SNAPC1: variants seen among roughly 807,000 people sequenced by gnomAD.
The protein encoded by SNAPC1 is snRNA-activating protein complex subunit 1.
SNAPC1 carries 42 observed loss-of-function variants against 50.1 expected under a neutral mutation model. The observed-to-expected ratio is 0.84, with a 90% CI of 0.65 to 1.08. SNAPC1 has a LOEUF of 1.08. Ranked by LOEUF, SNAPC1 falls within the 50% of genes least tolerant of loss-of-function variation. SNAPC1 has a pLI of 0.00. For synonymous variants in SNAPC1, 164 were observed against 144.2 expected, an observed-to-expected ratio of 1.14 and a Z score of -0.98; for missense variants, 477 against 427.3, an observed-to-expected ratio of 1.12 and a Z score of -1.02.
Position 61,762,605 on chromosome 14 carries a change from C to T in SNAPC1, c.128+17C>T, listed in dbSNP as rs536007568. 7.6e-6 allele frequency: 12 copies of T among 1,588,956 alleles called. No homozygotes were observed. Among genetic ancestry groups the T allele is most frequent in the Non-Finnish European group, 9.4e-6 (11 of 1,167,664 alleles). On this transcript the variant is annotated intron_variant, in intron 1 of 9. Coordinates refer to ENST00000216294, the MANE Select transcript of SNAPC1 (RefSeq NM_003082.4). ...TATCTTCTGGTGGGTGTTTCTTGTC[C>T]ACCACCCGCCTCTCCCTGCCCGCAG...
At chr14:61,771,785 T>C (rs2044993222) in intron 4 of SNAPC1, among the ~76,000 whole-genome samples, 1 of 152,164 alleles carries the variant, frequency 6.6e-6, no homozygotes, top group Non-Finnish European at 1.5e-5. Context: ...AGGCATACTT[T>C]TTCCTTTGAA....
rs769588943 is a variant in SNAPC1 at position 61,781,450 on chromosome 14, CAA to C, written c.826-779_826-778del. Among the ~76,000 whole-genome samples the C allele has an allele frequency of 9.3e-3, 593 of 63,582 alleles. 19 individuals carry two copies. In the East Asian group the frequency reaches 0.16, roughly 17 times the overall value. 41.7% of individuals were successfully genotyped at this position (63,582 alleles called of 152,430 possible). Reference sequence around the variant, plus strand: ...GGGTGACAAAGCAAGACTCCATCTCCAAAAAAAAAAAAAAAAAAAGGACAGAA... The same window carrying C: ...GGGTGACAAAGCAAGACTCCATCTCCAAAAAAAAAAAAAAAAAGGACAGAA... On this transcript the variant is annotated intron_variant, in intron 7 of 9. Coordinates refer to ENST00000216294, the MANE Select transcript of SNAPC1 (RefSeq NM_003082.4).
intron 8 of SNAPC1, among the ~76,000 whole-genome samples, chr14:61,789,380 AT>A (rs1488280082): frequency 2.0e-5 from 3 of 152,184 alleles, no homozygotes; most frequent in African/African-American, 7.2e-5. Context: ...TAATAAAAAA[AT>A]ATACATACAT....
In SNAPC1 at chr14:61,778,230, GA is replaced by G. The variant is rs565660235; in HGVS notation, c.762+91del. On this transcript the variant is annotated intron_variant, in intron 6 of 9. Coordinates refer to ENST00000216294, the MANE Select transcript of SNAPC1 (RefSeq NM_003082.4). The stretch of plus-strand genomic sequence containing the variant: ...ATGGTCAGTATTATAAGACATATAA[GA>G]GAAAATTCTGAATCATGCTTCTGTG... 2.8e-4 allele frequency: 195 copies of G among 706,124 alleles called. 1 individual carries two copies. The African/African-American group carries it at 3.1e-3, about 11-fold the overall frequency. 43.7% of individuals were successfully genotyped at this position (706,124 alleles called of 1,614,324 possible). A position where few individuals can be genotyped will look rare whatever the true frequency, so the allele number is the denominator to read the frequency against.
intron 5 of SNAPC1, among the ~76,000 whole-genome samples, chr14:61,777,808 G>A (rs2045045909): frequency 6.6e-6 from 1 of 151,980 alleles, no homozygotes; most frequent in Non-Finnish European, 1.5e-5. Context: ...AAAACCTGAA[G>A]GAAAGGAGAA....
At chr14:61,768,380 G>A (rs1349815406) in intron 3 of SNAPC1, among the ~76,000 whole-genome samples, 39 of 152,070 alleles carry the variant, frequency 2.6e-4, no homozygotes. Context: ...CACTAGTTCT[G>A]GTTCTGCCAT....
intron 8 of SNAPC1, among the ~76,000 whole-genome samples, chr14:61,788,087 A>C (rs1238963553): frequency 1.3e-5 from 2 of 152,218 alleles, no homozygotes; most frequent in Non-Finnish European, 2.9e-5. Flanking sequence ...GCTGAAAACA[A>C]CTGTTTTGTA....
intron 1 of SNAPC1, among the ~76,000 whole-genome samples, chr14:61,765,891 A>G (rs1372442064): frequency 6.6e-6 from 1 of 152,072 alleles, no homozygotes; most frequent in Non-Finnish European, 1.5e-5. Context: ...GACAATTAGG[A>G]GTGCGGGTTA....
At chr14:61,793,661 CTTTTTTT>C (rs71117855) in intron 9 of SNAPC1, among the ~76,000 whole-genome samples, 2 of 130,600 alleles carry the variant, frequency 1.5e-5, no homozygotes, top group Non-Finnish European at 3.1e-5. Context: ...TTCTTTTTTT[CTTTTTTT>C]TTTTTTGAGA....
In SNAPC1 at chr14:61,762,580, T is replaced by C. The variant is rs1324853520; in HGVS notation, c.120T>C (p.Thr40=). The C allele has an allele frequency of 6.2e-7, 1 of 1,613,430 alleles. No homozygotes were observed. The highest frequency in any genetic ancestry group is 8.5e-7 in the Non-Finnish European group (1 of 1,179,692). The part of the protein sequence containing the change: ...TELWRNMKFG[T]IFCGRMRNLE... ...TCTGGAGAAACATGAAGTTCGGGAC[T>C]ATCTTCTGGTGGGTGTTTCTTGTCC... Residue 40 remains threonine, a synonymous_variant, in exon 1 of 10, where the codon ACT becomes ACC. Coordinates refer to ENST00000216294, the MANE Select transcript of SNAPC1 (RefSeq NM_003082.4).
Position 61,762,538 on chromosome 14 carries a change from C to T in SNAPC1, c.78C>T (p.Phe26=), listed in dbSNP as rs779195305. ...TCCAGGAGACGGACAGTGTACGCTT[C>T]GAGGACTTCACGGAGCTCTGGAGAA... ...SRFQETDSVR[F]EDFTELWRNM... The change falls in exon 1 of 10, where the codon TTC becomes TTT. Residue 26 remains phenylalanine, a synonymous_variant. Transcript: ENST00000216294. 4 of 1,567,878 alleles carry T rather than the reference C, an allele frequency of 2.6e-6. No individual in the cohort carries two copies. Among genetic ancestry groups the T allele is most frequent in the Admixed American group, 1.8e-5 (1 of 55,628 alleles).
intron 8 of SNAPC1, among the ~76,000 whole-genome samples, chr14:61,788,654 T>G (rs1594652197): frequency 1.3e-5 from 2 of 152,238 alleles, no homozygotes; most frequent in South Asian, 2.1e-4. Context: ...TTGATAAAGA[T>G]TAAAGATAAT....
chr14:61,768,854 T>C, intron 4 of SNAPC1, 114 bp downstream of exon 4: 2 of 570,112 alleles, frequency 3.5e-6, no homozygotes, highest in South Asian at 2.5e-5. Context: ...TTTTAACCAC[T>C]CTAGGATGCT....
Position 61,762,506 on chromosome 14 carries a change from A to G in SNAPC1, c.46A>G (p.Ser16Gly). ...GLQTDCEALL[S>G]RFQETDSVRF... is the part of the protein sequence containing the mutation. The stretch of plus-strand genomic sequence containing the variant: ...GCAGACCGACTGCGAGGCGCTGCTC[A>G]GCCGCTTCCAGGAGACGGACAGTGT... Residue 16 changes from serine to glycine, a missense_variant, in exon 1 of 10, where the codon AGC (serine) becomes GGC (glycine). Physicochemically the swap from Ser to Gly is moderately conservative, Grantham distance 56 (BLOSUM62 0). Coordinates refer to ENST00000216294, the MANE Select transcript of SNAPC1 (RefSeq NM_003082.4). 4 of 1,428,568 alleles carry G rather than the reference A, an allele frequency of 2.8e-6. No individual in the cohort carries two copies. Among genetic ancestry groups the G allele is most frequent in the Non-Finnish European group, 3.7e-6 (4 of 1,087,098 alleles). The allele number at this position is 1,428,568 out of a possible 1,614,324, so 88.5% of individuals were successfully genotyped here. A position where few individuals can be genotyped will look rare whatever the true frequency, so the allele number is the denominator to read the frequency against.
At chr14:61,774,272 G>A (rs868106746) in intron 4 of SNAPC1, among the ~76,000 whole-genome samples, 1 of 151,714 alleles carries the variant, frequency 6.6e-6, no homozygotes, top group Non-Finnish European at 1.5e-5. Flanking sequence ...GAGTAGCTGG[G>A]ACTACAGGTG....
chr14:61,774,655 T>C (rs1464724778), intron 4 of SNAPC1, among the ~76,000 whole-genome samples: 4 of 93,336 alleles, frequency 4.3e-5, no homozygotes, highest in Admixed American at 1.3e-4. Context: ...CTCATTTTTT[T>C]TTTTTTTTTT....
chr14:61,794,898 G>T lies in SNAPC1; in HGVS notation c.1073-51G>T, dbSNP rs1205995675. The T allele has an allele frequency of 6.3e-5, 73 of 1,160,656 alleles. No homozygotes were observed. The highest frequency in any genetic ancestry group is 8.1e-5 in the Admixed American group (4 of 49,390). 71.9% of individuals were successfully genotyped at this position (1,160,656 alleles called of 1,614,324 possible). A position where few individuals can be genotyped will look rare whatever the true frequency, so the allele number is the denominator to read the frequency against. On this transcript the variant is annotated intron_variant, in intron 9 of 9. Transcript: ENST00000216294. Reference sequence around the variant, plus strand: ...TAAGTGTCAGTTGTTTTTTTTGTTTGTTTTTTTTTTGTTTTTAGATCTGAC... The same window carrying T: ...TAAGTGTCAGTTGTTTTTTTTGTTTTTTTTTTTTTTGTTTTTAGATCTGAC...
At chr14:61,768,519 GGTTTT>G (rs1196342294) in intron 3 of SNAPC1, 112 bp from the exon 4 acceptor site, 3 of 579,720 alleles carry the variant, frequency 5.2e-6, no homozygotes, top group South Asian at 4.8e-5. Context: ...CCTTACAGCT[GGTTTT>G]GTTTTATCTG....
intron 4 of SNAPC1, among the ~76,000 whole-genome samples, chr14:61,773,851 G>A (rs557321806): frequency 2.3e-4 from 35 of 151,798 alleles, no homozygotes; most frequent in Admixed American, 5.9e-4. Flanking sequence ...CGGACAACAG[G>A]CACCCGCCAC....
Sources: allele counts gnomAD v4.1 joint callset (sites outside exome capture counted in the v4.1 genomes callset), GRCh38; gene constraint gnomAD v4.1.1; transcripts MANE v1.5; gene names NCBI Gene and HGNC (gene_info 2026-07-23, HGNC 2026-07-21).